Variants in MRPS18A observed in about 807,000 individuals in gnomAD.
MRPS18A encodes the protein large ribosomal subunit protein mL66.
In MRPS18A, 20 loss-of-function variants were observed where a neutral mutation model predicts 22.7. That is an observed-to-expected ratio of 0.88 (90% CI 0.62 to 1.28). The LOEUF is 1.28. Ranked by LOEUF, MRPS18A falls within the 50% of genes most tolerant of loss-of-function variation. MRPS18A has a pLI of 0.00. For synonymous variants in MRPS18A, 106 were observed against 99.1 expected (o/e 1.07, Z -0.41); for missense variants, 294 against 262.6 (o/e 1.12, Z -0.83).
At chr6:43,678,776 T>A (rs1192595191) in intron 2 of MRPS18A, 151 bp from the exon 3 acceptor site, 2 of 618,318 alleles carry the variant, frequency 3.2e-6, no homozygotes, top group Non-Finnish European at 5.8e-6. Context: ...CTGCCTGAAC[T>A]GTGGTGTTTA....
rs528112006 is a variant in MRPS18A, at chr6:43,676,659, C to G, written c.253-1042G>C. ...GAGTTCGAGACCAGCCTGAGCAACA[C>G]AGCAAGACCCCGCTGTCATAGAATG... On this transcript the variant is annotated intron_variant, in intron 3 of 5. Transcript: ENST00000372133. Among the ~76,000 whole-genome samples the G allele has an allele frequency of 1.5e-3, 236 of 152,322 alleles. 3 individuals carry two copies. Among genetic ancestry groups the G allele is most frequent in the African/African-American group, 4.8e-3 (199 of 41,574 alleles).
chr6:43,687,768 G>T lies in MRPS18A; in HGVS notation c.12C>A (p.Leu4=). ...GCCCACAGCCGGACACCAGAGCCTTGAGGGCCGCCATCTTCAAAAACCTAC... is the reference window on the plus strand; with the variant it reads ...GCCCACAGCCGGACACCAGAGCCTTTAGGGCCGCCATCTTCAAAAACCTAC... MAA[L]KALVSGCGRL... Residue 4 remains leucine (L), a synonymous_variant, in exon 1 of 6, where the codon CTC becomes CTA. Coordinates refer to ENST00000372133, the MANE Select transcript of MRPS18A (RefSeq NM_018135.4). 1 of 1,576,300 alleles carries T rather than the reference G, an allele frequency of 6.3e-7. No homozygotes were observed. The highest frequency in any genetic ancestry group is 8.6e-7 in the Non-Finnish European group (1 of 1,160,742).
chr6:43,676,289 C>T (rs1774049683), intron 3 of MRPS18A, among the ~76,000 whole-genome samples: 1 of 152,180 alleles, frequency 6.6e-6, no homozygotes, highest in Non-Finnish European at 1.5e-5. Context: ...CCATATGTTT[C>T]CACACAAGAG....
intron 1 of MRPS18A, among the ~76,000 whole-genome samples, chr6:43,681,509 C>T (rs374400517): frequency 1.6e-4 from 24 of 152,292 alleles, no homozygotes; most frequent in Admixed American, 5.2e-4. Context: ...AGTACGCAGG[C>T]GGTGTGTGTT....
intron 1 of MRPS18A, among the ~76,000 whole-genome samples, chr6:43,685,183 A>C (rs1420271037): frequency 6.6e-6 from 1 of 152,234 alleles, no homozygotes; most frequent in African/African-American, 2.4e-5. Flanking sequence ...AAATGAGGAC[A>C]GTTAATATCT....
At chr6:43,679,713 G>C (rs1209819504) in intron 2 of MRPS18A, among the ~76,000 whole-genome samples, 1 of 152,178 alleles carries the variant, frequency 6.6e-6, no homozygotes, top group Non-Finnish European at 1.5e-5. Context: ...ACAGGGGAAA[G>C]GGGCTGGAAG....
intron 3 of MRPS18A, among the ~76,000 whole-genome samples, chr6:43,677,939 C>T (rs779991139): frequency 1.1e-4 from 17 of 152,230 alleles, no homozygotes; most frequent in South Asian, 2.1e-4. Flanking sequence ...CAATACAGAA[C>T]GACAAGGTAA....
At chr6:43,676,134 C>T (rs1001131041) in intron 3 of MRPS18A, among the ~76,000 whole-genome samples, 23 of 148,182 alleles carry the variant, frequency 1.6e-4, no homozygotes, top group Admixed American at 3.4e-4. Context: ...TGCAGGTGTG[C>T]GCCCCTACAC....
chr6:43,677,659 T>A (rs763482722), intron 3 of MRPS18A, among the ~76,000 whole-genome samples: 3 of 152,084 alleles, frequency 2.0e-5, no homozygotes, highest in Non-Finnish European at 2.9e-5. Flanking sequence ...TCCCTGGAGT[T>A]TGTATCCCAG....
chr6:43,680,795 G>A (rs1471519101), intron 2 of MRPS18A, among the ~76,000 whole-genome samples: 3 of 152,196 alleles, frequency 2.0e-5, no homozygotes, highest in Non-Finnish European at 2.9e-5. Context: ...TCCCCTTTGG[G>A]AAAATGATTC....
intron 5 of MRPS18A, chr6:43,672,693 T>C (rs778194511): frequency 1.4e-5 from 3 of 221,966 alleles, no homozygotes; most frequent in Admixed American, 5.0e-5. Flanking sequence ...AACCCAGCTG[T>C]CTCTAGAGAC....
At chr6:43,672,211 G>A in intron 5 of MRPS18A, 1 of 472,886 alleles carries the variant, frequency 2.1e-6, no homozygotes, top group Non-Finnish European at 4.1e-6. Context: ...GTGGCGAAGA[G>A]GCTGCCTGAA....
Position 43,671,870 on chromosome 6 carries a change from G to A in MRPS18A, c.483C>T (p.Pro161=), listed in dbSNP as rs1773719492. The change falls in exon 6 of 6, where the codon CCC becomes CCT. Residue 161 remains proline, a synonymous_variant. Coordinates refer to ENST00000372133, the MANE Select transcript of MRPS18A (RefSeq NM_018135.4). The part of the protein sequence containing the change: ...LTRWAPGSVK[P]IYKKGPRWNR... ...TCCAGCGGGGGCCTTTTTTGTAGAT[G>A]GGCTTGACGGAGCCAGGAGCCCAGC... is the stretch of plus-strand genomic sequence containing the variant. The A allele has an allele frequency of 6.2e-7, 1 of 1,613,530 alleles. No homozygotes were observed. The highest frequency in any genetic ancestry group is 1.3e-5 in the African/African-American group (1 of 74,928).
At chr6:43,681,944 C>T (rs886526417) in intron 1 of MRPS18A, among the ~76,000 whole-genome samples, 1 of 152,256 alleles carries the variant, frequency 6.6e-6, no homozygotes, top group Non-Finnish European at 1.5e-5. Context: ...CAATAGCCCA[C>T]ATTCAGCTAA....
chr6:43,681,185 C>T, intron 1 of MRPS18A, 65 bp from the exon 2 acceptor site: 2 of 1,518,778 alleles, frequency 1.3e-6, no homozygotes, highest in South Asian at 1.1e-5. Flanking sequence ...TTTCAAATAA[C>T]AGCTCAAATT....
At chr6:43,678,416 A>C in intron 3 of MRPS18A, 102 bp downstream of exon 3, 1 of 863,106 alleles carries the variant, frequency 1.2e-6, no homozygotes, top group Non-Finnish European at 1.9e-6. Context: ...TGGTTCCATG[A>C]AATGCAGCAG....
At chr6:43,681,880 G>A (rs1318315606) in intron 1 of MRPS18A, among the ~76,000 whole-genome samples, 7 of 152,236 alleles carry the variant, frequency 4.6e-5, no homozygotes, top group Admixed American at 3.9e-4. Context: ...AGTTGCACAC[G>A]TCTGTCAGGC....
intron 1 of MRPS18A, among the ~76,000 whole-genome samples, chr6:43,683,321 T>C (rs190921324): frequency 1.3e-5 from 2 of 152,328 alleles, no homozygotes; most frequent in East Asian, 1.9e-4. Context: ...AGAACTCACA[T>C]TGAACTGACA....
intron 5 of MRPS18A, among the ~76,000 whole-genome samples, chr6:43,674,360 A>G (rs1389400725): frequency 6.6e-6 from 1 of 152,124 alleles, no homozygotes; most frequent in African/African-American, 2.4e-5. Context: ...CAAAAACTGC[A>G]ATTACTTCCG....
Sources: gnomAD v4.1 joint callset for allele counts (sites outside exome capture counted in the v4.1 genomes callset) on GRCh38, gnomAD v4.1.1 for gene constraint, MANE v1.5 for transcripts, NCBI Gene and HGNC (gene_info 2026-07-23, HGNC 2026-07-21) for gene names.